NPAS3: variants seen among roughly 807,000 people sequenced by gnomAD.
NPAS3 encodes the protein neuronal PAS domain protein 3, also known as neuronal PAS domain-containing protein 3.
Under a neutral mutation model 73.1 loss-of-function variants are expected in NPAS3, and 14 were observed. The observed-to-expected ratio is 0.19, with a 90% confidence interval of 0.13 to 0.30. The LOEUF is 0.30. NPAS3 is among the 10% of genes least tolerant of loss of function. The pLI is 1.00. For missense variants in NPAS3, 1,096 were observed against 1,250.0 expected, an observed-to-expected ratio of 0.88 and a Z score of 1.86; for synonymous variants, 620 against 541.5, an observed-to-expected ratio of 1.14 and a Z score of -2.01.
intron 4 of NPAS3, among the ~76,000 whole-genome samples, chr14:33,557,534 T>C (rs531646857): frequency 3.9e-5 from 6 of 152,336 alleles, no homozygotes; most frequent in Non-Finnish European, 7.3e-5. Context: ...TTTACACATG[T>C]CAATTAGAGA....
At chr14:33,544,788 T>TTATATATATATATATATACATATA (rs1555409896) in intron 4 of NPAS3, among the ~76,000 whole-genome samples, 2 of 63,256 alleles carry the variant, frequency 3.2e-5, no homozygotes, top group African/African-American at 1.7e-4. Context: ...TGTGTGTGTA[T>TTATATATATATATATATACATATA]TATATATATA....
At chr14:33,608,984 A>G (rs970173949) in intron 5 of NPAS3, among the ~76,000 whole-genome samples, 3 of 152,204 alleles carry the variant, frequency 2.0e-5, no homozygotes, top group African/African-American at 7.2e-5. Context: ...TACAGGGTCT[A>G]CCCTGGATTA....
chr14:33,281,923 G>A (rs1323524176), intron 3 of NPAS3, among the ~76,000 whole-genome samples: 4 of 152,052 alleles, frequency 2.6e-5, no homozygotes, highest in Non-Finnish European at 5.9e-5. Flanking sequence ...GTGAGTATGG[G>A]GTAATCAAAC....
chr14:33,503,470 AT>A (rs1323342990), intron 4 of NPAS3, among the ~76,000 whole-genome samples: 1 of 151,966 alleles, frequency 6.6e-6, no homozygotes, highest in African/African-American at 2.4e-5. Context: ...CAAGACCGTA[AT>A]TGGTGAAACC....
At chr14:33,286,552 T>TG (rs2041882209) in intron 3 of NPAS3, among the ~76,000 whole-genome samples, 1 of 152,202 alleles carries the variant, frequency 6.6e-6, no homozygotes, top group South Asian at 2.1e-4. Flanking sequence ...GGTAGTTATC[T>TG]CCTTGTGGGG....
chr14:32,943,176 T>C (rs2036098591), intron 1 of NPAS3, among the ~76,000 whole-genome samples: 4 of 149,248 alleles, frequency 2.7e-5, no homozygotes. Context: ...ATTCGATACT[T>C]TTTTTTTTTT....
At position 33,800,610 on chromosome 14, in the gene NPAS3, G is replaced by T; in HGVS notation, c.2303G>T (p.Gly768Val). The T allele has an allele frequency of 7.5e-7, 1 of 1,333,836 alleles. No individual in the cohort carries two copies. 82.6% of individuals were successfully genotyped at this position (1,333,836 alleles called of 1,614,324 possible). A position where few individuals can be genotyped will look rare whatever the true frequency, so the allele number is the denominator to read the frequency against. Residue 768 changes from glycine (G) to valine (V), a missense_variant, in exon 12 of 12, where the codon GGC becomes GTC. Gly to Val is a moderately radical substitution (Grantham distance 109). This residue lies in a region of NPAS3 where 698 missense variants were observed against 676.7 expected (regional missense o/e 1.03). Transcript: ENST00000356141. This position sits in a 1 kb window ranked among gnomAD's most constrained non-coding sequence, Gnocchi z 6.5. Reference sequence around the variant, plus strand: ...CCCGGGAACGGCGGCGGGGGCGGGGGCGGGGGCGGCGGCGCGGGGGGCGGC... The same window carrying T: ...CCCGGGAACGGCGGCGGGGGCGGGGTCGGGGGCGGCGGCGCGGGGGGCGGC...
intron 3 of NPAS3, among the ~76,000 whole-genome samples, chr14:33,250,162 C>T (rs2048530629): frequency 6.6e-6 from 1 of 152,028 alleles, no homozygotes; most frequent in Admixed American, 6.6e-5. Context: ...CATGCTGTTA[C>T]AAGCCTTATG....
At chr14:33,694,596 C>G (rs17408730) in intron 6 of NPAS3, among the ~76,000 whole-genome samples, 40,228 of 151,952 alleles carry the variant, frequency 0.26, 5,632 homozygotes, top group Middle Eastern at 0.31. Context: ...ACAGGTCGAC[C>G]TGCCCTTTAT....
At chr14:33,615,844 T>G (rs1053057372) in intron 5 of NPAS3, among the ~76,000 whole-genome samples, 2 of 152,182 alleles carry the variant, frequency 1.3e-5, no homozygotes, top group African/African-American at 4.8e-5. Context: ...TTTGATTTAC[T>G]AGATTATGGT....
chr14:33,169,671 A>G (rs1480969486), intron 2 of NPAS3, among the ~76,000 whole-genome samples: 1 of 152,254 alleles, frequency 6.6e-6, no homozygotes, highest in East Asian at 1.9e-4. Flanking sequence ...ATGATTAATC[A>G]CAGAAATTTA....
rs2036195509 is a variant in NPAS3, at chr14:32,945,055, T to G, written c.50+5689T>G. 2.0e-5 allele frequency among the ~76,000 whole-genome samples: 3 copies of G among 152,212 alleles called. No homozygotes were observed. In the South Asian group the frequency reaches 6.2e-4, roughly 31 times the overall value. On this transcript the variant is annotated intron_variant, in intron 1 of 11. Transcript: ENST00000356141. ...ACCTTGTAAGAGCAGTTGCTTTGGT[T>G]GTAGGCTTGCCCTTCTATTGGTTAT...
At chr14:33,300,412 C>G (rs1324232856) in intron 3 of NPAS3, among the ~76,000 whole-genome samples, 1 of 152,202 alleles carries the variant, frequency 6.6e-6, no homozygotes, top group Non-Finnish European at 1.5e-5. Context: ...ATTGGCCTAG[C>G]TATTGAGATT....
intron 5 of NPAS3, among the ~76,000 whole-genome samples, chr14:33,637,133 G>A (rs2058543956): frequency 6.6e-6 from 1 of 152,158 alleles, no homozygotes; most frequent in African/African-American, 2.4e-5. Flanking sequence ...TTTCTTTGGA[G>A]TGACTTTTAG....
intron 2 of NPAS3, among the ~76,000 whole-genome samples, chr14:33,165,418 C>T (rs922548029): frequency 1.3e-5 from 2 of 151,924 alleles, no homozygotes; most frequent in African/African-American, 2.4e-5. Flanking sequence ...ATGGGGACTA[C>T]AGAGAATTCG....
At chr14:33,266,979 C>T (rs2040847969) in intron 3 of NPAS3, among the ~76,000 whole-genome samples, 1 of 152,144 alleles carries the variant, frequency 6.6e-6, no homozygotes, top group Non-Finnish European at 1.5e-5. Context: ...GAATATCTGA[C>T]TTAGCAAGGC....
chr14:33,219,964 T>C (rs1286862352), intron 3 of NPAS3, among the ~76,000 whole-genome samples: 1 of 152,166 alleles, frequency 6.6e-6, no homozygotes, highest in Non-Finnish European at 1.5e-5. Context: ...CATTTACTTC[T>C]ACCAAGTGAC....
chr14:33,575,555 A>G (rs980411142), intron 5 of NPAS3, among the ~76,000 whole-genome samples: 9 of 152,214 alleles, frequency 5.9e-5, no homozygotes, highest in Non-Finnish European at 1.3e-4. Context: ...CTATCAGAAC[A>G]TAATTGGTAA....
At chr14:33,335,812 A>G (rs2044202711) in intron 3 of NPAS3, among the ~76,000 whole-genome samples, 1 of 152,026 alleles carries the variant, frequency 6.6e-6, no homozygotes, top group Non-Finnish European at 1.5e-5. Context: ...CATTGAATGG[A>G]TGTACCATGT....
Sources: gnomAD v4.1 joint callset for allele counts (sites outside exome capture counted in the v4.1 genomes callset) on GRCh38, gnomAD v4.1.1 for gene constraint, gnomAD v4.1.1 regional missense constraint, Gnocchi (gnomAD v3.1) non-coding constraint, MANE v1.5 for transcripts, NCBI Gene and HGNC (gene_info 2026-07-23, HGNC 2026-07-21) for gene names.